The following ATP10B variants were observed in gnomAD, a reference collection of about 807,000 sequenced individuals.
ATP10B encodes ATPase phospholipid transporting 10B (putative).
In ATP10B, 122 loss-of-function variants were observed where a neutral mutation model predicts 141.2. That is an observed-to-expected ratio of 0.86 (90% CI 0.75 to 1.00). The LOEUF (loss-of-function observed/expected upper bound fraction) is 1.00. Ranked by LOEUF, ATP10B falls within the 50% of genes least tolerant of loss-of-function variation. The probability of loss-of-function intolerance (pLI) is 0.00; values close to 1 mark genes in which losing one functional copy is unlikely to be tolerated. For missense variants in ATP10B, 1,876 were observed against 1,825.3 expected, an observed-to-expected ratio of 1.03 and a Z score of -0.51; for synonymous variants, 685 against 692.0, an observed-to-expected ratio of 0.99 and a Z score of 0.16.
intron 7 of ATP10B, among the ~76,000 whole-genome samples, chr5:160,659,003 C>T (rs570502776): frequency 1.3e-5 from 2 of 152,232 alleles, no homozygotes; most frequent in South Asian, 4.2e-4. Flanking sequence ...TCAAATATTT[C>T]CCACATTGAC....
At chr5:160,874,270 G>C in the ATP10B span, among the ~76,000 whole-genome samples, 1 of 151,170 alleles carries the variant, frequency 6.6e-6, no homozygotes, top group Admixed American at 6.6e-5. Context: ...CCCCAGGAGG[G>C]TACACTGACA....
intron 23 of ATP10B, among the ~76,000 whole-genome samples, 198 bp from the exon 24 acceptor site, chr5:160,589,894 G>T (rs1203082572): frequency 1.3e-5 from 2 of 152,198 alleles, no homozygotes; most frequent in African/African-American, 4.8e-5. Flanking sequence ...AATGGTGTTT[G>T]CAGGAGTAAG....
At chr5:160,743,320 T>C (rs1314882295) in intron 2 of ATP10B, among the ~76,000 whole-genome samples, 4 of 152,178 alleles carry the variant, frequency 2.6e-5, no homozygotes, top group Non-Finnish European at 5.9e-5. Context: ...GCAGGAATTA[T>C]TGGAGCAAGT....
the ATP10B span, among the ~76,000 whole-genome samples, chr5:160,915,987 G>C: frequency 6.6e-6 from 1 of 152,142 alleles, no homozygotes; most frequent in Non-Finnish European, 1.5e-5. Context: ...GTGTAGAGGG[G>C]ACTCTTCACT....
At chr5:160,638,487 G>A (rs955737774) in intron 10 of ATP10B, among the ~76,000 whole-genome samples, 11 of 152,056 alleles carry the variant, frequency 7.2e-5, no homozygotes, top group South Asian at 2.1e-4. Flanking sequence ...GGGTGGGAGC[G>A]GGGACAATGG....
the ATP10B span, among the ~76,000 whole-genome samples, chr5:160,927,029 C>T: frequency 6.6e-6 from 1 of 152,190 alleles, no homozygotes; most frequent in African/African-American, 2.4e-5. Flanking sequence ...ACCTCACATG[C>T]TATAGAGAAC....
At chr5:160,770,923 G>A (rs1769857237) in intron 2 of ATP10B, among the ~76,000 whole-genome samples, 1 of 152,152 alleles carries the variant, frequency 6.6e-6, no homozygotes, top group Non-Finnish European at 1.5e-5. Flanking sequence ...TGCATACTCA[G>A]CATATATTGG....
intron 2 of ATP10B, among the ~76,000 whole-genome samples, chr5:160,776,210 C>A (rs1261776481): frequency 6.6e-6 from 1 of 152,158 alleles, no homozygotes; most frequent in East Asian, 1.9e-4. Flanking sequence ...TTTCCCTATC[C>A]TCAGTGCTTG....
At chr5:160,704,912 A>ATTTTTTT (rs1764894071) in intron 3 of ATP10B, among the ~76,000 whole-genome samples, 2 of 43,690 alleles carry the variant, frequency 4.6e-5, no homozygotes, top group African/African-American at 1.7e-4. Context: ...CATTTCTTTC[A>ATTTTTTT]TCTTTTTTTT....
intron 1 of ATP10B, among the ~76,000 whole-genome samples, chr5:160,834,938 T>G (rs1775325218): frequency 6.6e-6 from 1 of 152,114 alleles, no homozygotes; most frequent in Admixed American, 6.6e-5. Context: ...GCCTGCAACA[T>G]TTGCCATCTA....
At chr5:160,732,749 C>T (rs1025604360) in intron 2 of ATP10B, among the ~76,000 whole-genome samples, 8 of 152,160 alleles carry the variant, frequency 5.3e-5, no homozygotes, top group African/African-American at 1.7e-4. Flanking sequence ...TAGCTGTATT[C>T]ATTTTGCTCA....
At chr5:160,706,286 G>A (rs541583493) in intron 3 of ATP10B, among the ~76,000 whole-genome samples, 1 of 152,288 alleles carries the variant, frequency 6.6e-6, no homozygotes, top group Non-Finnish European at 1.5e-5. Flanking sequence ...CTTGATGCAG[G>A]GTTGCTGCAA....
chr5:160,825,889 A>G (rs1044010375), intron 1 of ATP10B, among the ~76,000 whole-genome samples: 1 of 152,218 alleles, frequency 6.6e-6, no homozygotes, highest in African/African-American at 2.4e-5. Flanking sequence ...GCTCCAATTT[A>G]TAAGTGAGAA....
Position 160,601,074 on chromosome 5 carries a change from G to A in ATP10B, c.3363+1503C>T, listed in dbSNP as rs191627366. ...GAGCTGCCAAAAAAATTAAACAGGA[G>A]CATTTTGGATTCTAAATAAACAGTC... On this transcript the variant is annotated intron_variant, in intron 21 of 25. Coordinates refer to ENST00000327245, the MANE Select transcript of ATP10B (RefSeq NM_025153.3). 3.9e-5 allele frequency among the ~76,000 whole-genome samples: 6 copies of A among 152,296 alleles called. 1 individual carries two copies. Among genetic ancestry groups the A allele is most frequent in the African/African-American group, 1.2e-4 (5 of 41,562 alleles).
In ATP10B at chr5:160,658,301, C is replaced by A. The variant is rs117952451; in HGVS notation, c.676-9045G>T. Among the ~76,000 whole-genome samples, 4 of 152,244 alleles carry A rather than the reference C, an allele frequency of 2.6e-5. 1 individual carries two copies. Among genetic ancestry groups the A allele is most frequent in the East Asian group, 3.9e-4 (2 of 5,182 alleles). On this transcript the variant is annotated intron_variant, in intron 7 of 25. Transcript: ENST00000327245. ...GAAGGAGTGATTACCTGTGGGACAC[C>A]GGTCAGAGTGTTGCCTAGGCAGAGA...
intron 1 of ATP10B, among the ~76,000 whole-genome samples, chr5:160,835,858 T>C (rs1311385252): frequency 6.6e-6 from 1 of 152,152 alleles, no homozygotes; most frequent in Non-Finnish European, 1.5e-5. Context: ...TTTGATTAAA[T>C]TGTTCTGGCT....
chr5:160,605,602 C>T (rs61342825), intron 19 of ATP10B, among the ~76,000 whole-genome samples: 1,819 of 152,312 alleles, frequency 0.012, 36 homozygotes, highest in African/African-American at 0.041. Flanking sequence ...TTGTTCTCTG[C>T]TTTCTTTCTG....
At chr5:160,597,538 G>A (rs1168926220) in intron 22 of ATP10B, among the ~76,000 whole-genome samples, 1 of 151,984 alleles carries the variant, frequency 6.6e-6, no homozygotes, top group Non-Finnish European at 1.5e-5. Context: ...AGCCAAAATT[G>A]ACAAATGGGA....
At chr5:160,609,036 G>A (rs1757562000) in intron 18 of ATP10B, among the ~76,000 whole-genome samples, 1 of 152,114 alleles carries the variant, frequency 6.6e-6, no homozygotes, top group South Asian at 2.1e-4. Flanking sequence ...CATTGTCTAG[G>A]TTTTCTTCTA....
Sources: allele counts gnomAD v4.1 joint callset (sites outside exome capture counted in the v4.1 genomes callset), GRCh38; gene constraint gnomAD v4.1.1; transcripts MANE v1.5; gene names NCBI Gene and HGNC (gene_info 2026-07-23, HGNC 2026-07-21).